SLC14A2: variants seen among roughly 807,000 people sequenced by gnomAD.
The protein encoded by SLC14A2 is solute carrier family 14 member 2, also known as urea transporter 2.
SLC14A2 carries 91 observed loss-of-function variants against 104.6 expected under a neutral mutation model. The ratio of observed to expected loss-of-function variants is 0.87; its 90% CI spans 0.73 to 1.04. SLC14A2 has a LOEUF of 1.04. SLC14A2 is among the 50% of genes least tolerant of loss of function. The probability of loss-of-function intolerance (pLI) is 0.00; values close to 1 mark genes in which losing one functional copy is unlikely to be tolerated. For missense variants in SLC14A2, 1,189 were observed against 1,156.0 expected (o/e 1.03, Z -0.41); for synonymous variants, 476 against 466.4 (o/e 1.02, Z -0.27).
intron 1 of SLC14A2, among the ~76,000 whole-genome samples, chr18:45,398,154 G>A (rs2086056949): frequency 6.6e-6 from 1 of 152,110 alleles, no homozygotes; most frequent in Non-Finnish European, 1.5e-5. Context: ...AAATGAATGA[G>A]GCAAGGCCCA....
intron 1 of SLC14A2, among the ~76,000 whole-genome samples, chr18:45,241,580 T>C (rs2084316352): frequency 6.6e-6 from 1 of 151,608 alleles, no homozygotes; most frequent in African/African-American, 2.4e-5. Context: ...CTCCAGGCAG[T>C]CCTCTGGCCT....
intron 1 of SLC14A2, among the ~76,000 whole-genome samples, chr18:45,378,260 T>C (rs2085796637): frequency 6.6e-6 from 1 of 152,192 alleles, no homozygotes; most frequent in Non-Finnish European, 1.5e-5. Context: ...TTGAGTTGAA[T>C]TGAACTGAAC....
At chr18:45,464,396 C>G (rs1242469654) in intron 1 of SLC14A2, among the ~76,000 whole-genome samples, 3 of 152,112 alleles carry the variant, frequency 2.0e-5, no homozygotes, top group African/African-American at 7.2e-5. Context: ...TACAGAACTG[C>G]ACAGCATCCT....
At chr18:45,224,219 G>A (rs1212583732) in intron 1 of SLC14A2, among the ~76,000 whole-genome samples, 1 of 152,200 alleles carries the variant, frequency 6.6e-6, no homozygotes, top group Admixed American at 6.5e-5. Context: ...AAGCCTCTTG[G>A]CTGCCCAGCC....
At chr18:45,215,482 T>C (rs1283679965) in intron 1 of SLC14A2, among the ~76,000 whole-genome samples, 1 of 151,996 alleles carries the variant, frequency 6.6e-6, no homozygotes, top group African/African-American at 2.4e-5. Context: ...TTTAAGAAAA[T>C]AGGAAAGGGA....
intron 2 of SLC14A2, among the ~76,000 whole-genome samples, chr18:45,576,427 G>A (rs967358395): frequency 6.6e-6 from 1 of 151,972 alleles, no homozygotes; most frequent in Admixed American, 6.6e-5. Context: ...GGGACTACAG[G>A]CACACGCCAC....
intron 1 of SLC14A2, among the ~76,000 whole-genome samples, chr18:45,418,760 A>G (rs2086305882): frequency 1.3e-5 from 2 of 152,218 alleles, no homozygotes; most frequent in South Asian, 4.1e-4. Flanking sequence ...GAACGAAGAC[A>G]TTTTAGAAGT....
chr18:45,539,472 G>A (rs1488654812), intron 2 of SLC14A2, among the ~76,000 whole-genome samples: 1 of 152,148 alleles, frequency 6.6e-6, no homozygotes, highest in African/African-American at 2.4e-5. Flanking sequence ...CATGGAGGTG[G>A]GACTTGCAAG....
intron 10 of SLC14A2, among the ~76,000 whole-genome samples, chr18:45,652,440 C>T (rs903168471): frequency 3.9e-5 from 6 of 152,312 alleles, no homozygotes; most frequent in African/African-American, 1.4e-4. Context: ...CCCCTTCTAC[C>T]GCTGCACAGG....
chr18:45,524,280 A>G (rs1025656368), intron 2 of SLC14A2, among the ~76,000 whole-genome samples: 5 of 152,220 alleles, frequency 3.3e-5, no homozygotes, highest in Admixed American at 3.3e-4. Flanking sequence ...TAGTGCCCTC[A>G]ACACCTCAAC....
chr18:45,479,221 A>G (rs969330066), intron 1 of SLC14A2, among the ~76,000 whole-genome samples: 1 of 152,228 alleles, frequency 6.6e-6, no homozygotes, highest in Admixed American at 6.5e-5. Flanking sequence ...AGCTCTTTTT[A>G]AAAAGCTGTA....
At chr18:45,418,331 A>G (rs897737331) in intron 1 of SLC14A2, among the ~76,000 whole-genome samples, 1 of 152,210 alleles carries the variant, frequency 6.6e-6, no homozygotes, top group African/African-American at 2.4e-5. Flanking sequence ...AGTGGCACAG[A>G]AGTGCCACTA....
At chr18:45,630,264 A>G (rs2045322991) in intron 4 of SLC14A2, among the ~76,000 whole-genome samples, 1 of 152,148 alleles carries the variant, frequency 6.6e-6, no homozygotes, top group Non-Finnish European at 1.5e-5. Context: ...ACTGGACACA[A>G]CATCCATACA....
At chr18:45,477,758 C>T (rs550284254) in intron 1 of SLC14A2, among the ~76,000 whole-genome samples, 2 of 152,138 alleles carry the variant, frequency 1.3e-5, no homozygotes, top group East Asian at 3.9e-4. Flanking sequence ...TGAGTCCAAA[C>T]TTCCTGGTGG....
chr18:45,380,015 G>A (rs143522669), intron 1 of SLC14A2, among the ~76,000 whole-genome samples: 29 of 152,252 alleles, frequency 1.9e-4, no homozygotes, highest in African/African-American at 7.0e-4. Flanking sequence ...GATTTGAAAA[G>A]GATTTGAAGA....
intron 1 of SLC14A2, among the ~76,000 whole-genome samples, chr18:45,379,143 C>G (rs574656682): frequency 6.6e-6 from 1 of 152,312 alleles, no homozygotes; most frequent in East Asian, 1.9e-4. Flanking sequence ...GCAAGTGTCA[C>G]GGAATACAAT....
the SLC14A2 span, among the ~76,000 whole-genome samples, chr18:45,180,274 C>T: frequency 1.8e-4 from 28 of 152,098 alleles, no homozygotes; most frequent in African/African-American, 6.8e-4. Context: ...TATCTCTGTG[C>T]CTCTGTTCAT....
intron 1 of SLC14A2, among the ~76,000 whole-genome samples, chr18:45,330,675 A>C (rs1484149608): frequency 6.6e-6 from 1 of 152,218 alleles, no homozygotes; most frequent in Admixed American, 6.5e-5. Flanking sequence ...TGATGCACCC[A>C]GGCAAGTCTT....
intron 3 of SLC14A2, 129 bp downstream of exon 3, chr18:45,625,992 G>A: frequency 8.1e-6 from 5 of 618,442 alleles, no homozygotes; most frequent in Non-Finnish European, 1.2e-5. Context: ...CCCAGGACTG[G>A]ACCTCACCCA....
Sources: gnomAD v4.1 joint callset for allele counts (sites outside exome capture counted in the v4.1 genomes callset) on GRCh38, gnomAD v4.1.1 for gene constraint, MANE v1.5 for transcripts, NCBI Gene and HGNC (gene_info 2026-07-23, HGNC 2026-07-21) for gene names.